The following VAX2 variants were observed in gnomAD, a reference collection of about 807,000 sequenced individuals.
The protein encoded by VAX2 is ventral anterior homeobox 2.
In VAX2, 8 loss-of-function variants were observed where a neutral mutation model predicts 12.5. The observed-to-expected ratio is 0.64, with a 90% CI of 0.37 to 1.15. VAX2 has a LOEUF of 1.15. VAX2 is among the 50% of genes most tolerant of loss of function. The pLI, the probability that VAX2 is intolerant of heterozygous loss-of-function variation, is 0.01. For missense variants in VAX2, 476 were observed against 412.9 expected (o/e 1.15, Z -1.32); for synonymous variants, 183 against 187.6 (o/e 0.98, Z 0.20).
intron 1 of VAX2, among the ~76,000 whole-genome samples, chr2:70,903,447 G>C (rs1430032084): frequency 6.6e-6 from 1 of 152,186 alleles, no homozygotes; most frequent in Non-Finnish European, 1.5e-5. Flanking sequence ...CAGGTTTGTT[G>C]AGGGAGTCCT....
chr2:70,904,269 A>G lies in VAX2; in HGVS notation c.247+3401A>G, dbSNP rs992848215. ...GGCAGGAAGCAACCAAAGGAACAACAGGCCGCCTGAGCCGTGGCTCAAACA... is the reference window on the plus strand; with the variant it reads ...GGCAGGAAGCAACCAAAGGAACAACGGGCCGCCTGAGCCGTGGCTCAAACA... On this transcript the variant is annotated intron_variant, in intron 1 of 2. Transcript: ENST00000234392. This position sits in a 1 kb window ranked among gnomAD's most constrained non-coding sequence, Gnocchi z 4.2. Among the ~76,000 whole-genome samples the G allele has an allele frequency of 6.6e-6, 1 of 152,178 alleles. No homozygotes were observed. Among genetic ancestry groups the G allele is most frequent in the African/African-American group, 2.4e-5 (1 of 41,452 alleles).
At chr2:70,931,966 C>T (rs1348471646) in intron 2 of VAX2, among the ~76,000 whole-genome samples, 1 of 152,232 alleles carries the variant, frequency 6.6e-6, no homozygotes, top group East Asian at 1.9e-4. Flanking sequence ...TTGGAATCAC[C>T]TGGTGAGCTT....
In VAX2 at chr2:70,921,286, G is replaced by A; in HGVS notation, c.435+1G>A. ...CCAGCTGAACCTCTCCGAGACCCAG[G>A]TAAGAGACCAGGGCCAGGCCACTCC... is the stretch of plus-strand genomic sequence containing the variant. On this transcript the variant is annotated splice_donor_variant, in intron 2 of 2. Coordinates refer to ENST00000234392, the MANE Select transcript of VAX2 (RefSeq NM_012476.3). LOFTEE classifies it high-confidence loss of function. 6.2e-7 allele frequency: 1 copy of A among 1,606,046 alleles called. No homozygotes were observed. The highest frequency in any genetic ancestry group is 2.2e-5 in the East Asian group (1 of 44,454).
rs1678979227 is a variant in VAX2 at position 70,903,440 on chromosome 2, G to A, written c.247+2572G>A. On this transcript the variant is annotated intron_variant, in intron 1 of 2. Coordinates refer to ENST00000234392, the MANE Select transcript of VAX2 (RefSeq NM_012476.3). The stretch of plus-strand genomic sequence containing the variant: ...CATACCACAGGGGGGTGGGGGGCAG[G>A]TTTGTTGAGGGAGTCCTTTGGCACA... Among the ~76,000 whole-genome samples, 10 of 152,302 alleles carry A rather than the reference G, an allele frequency of 6.6e-5. No individual in the cohort carries two copies. In the South Asian group the frequency reaches 2.1e-3, roughly 32 times the overall value.
Position 70,927,659 on chromosome 2 carries a change from A to G in VAX2, c.436-5108A>G, listed in dbSNP as rs531915387. ...CATGAGCCCAAAGAAGCTGGTGGAT[A>G]ATCTCCTGGAAAATTCCTCTGTAGT... On this transcript the variant is annotated intron_variant, in intron 2 of 2. Coordinates refer to ENST00000234392, the MANE Select transcript of VAX2 (RefSeq NM_012476.3). Among the ~76,000 whole-genome samples, 8 of 152,186 alleles carry G rather than the reference A, an allele frequency of 5.3e-5. No homozygotes were observed. In the South Asian group the frequency reaches 1.7e-3, roughly 32 times the overall value.
chr2:70,907,786 T>G (rs1304239106), intron 1 of VAX2, among the ~76,000 whole-genome samples: 2 of 152,244 alleles, frequency 1.3e-5, no homozygotes, highest in African/African-American at 2.4e-5. Context: ...TGTTTTCAAT[T>G]CTGGGCGAGT....
chr2:70,906,696 T>C (rs1326651195), intron 1 of VAX2, among the ~76,000 whole-genome samples: 1 of 152,018 alleles, frequency 6.6e-6, no homozygotes, highest in Non-Finnish European at 1.5e-5. Flanking sequence ...CGTTTCTTGT[T>C]CTTTAACTTA....
In VAX2 at chr2:70,911,652, C is replaced by T. The variant is rs916110742; in HGVS notation, c.248-9446C>T. On this transcript the variant is annotated intron_variant, in intron 1 of 2. Transcript: ENST00000234392. ...ATGGCATCTCAAAAAACAAGGATATCTCATTGCTGTTATAACTTTCATTTT... is the reference window on the plus strand; with the variant it reads ...ATGGCATCTCAAAAAACAAGGATATTTCATTGCTGTTATAACTTTCATTTT... 3.9e-5 allele frequency among the ~76,000 whole-genome samples: 6 copies of T among 152,292 alleles called. No homozygotes were observed. The South Asian group carries it at 8.3e-4, about 21-fold the overall frequency.
rs1430091910 is a variant in VAX2 at position 70,904,264 on chromosome 2, A to G, written c.247+3396A>G. ...AGGCAGGCAGGAAGCAACCAAAGGAACAACAGGCCGCCTGAGCCGTGGCTC... is the reference window on the plus strand; with the variant it reads ...AGGCAGGCAGGAAGCAACCAAAGGAGCAACAGGCCGCCTGAGCCGTGGCTC... On this transcript the variant is annotated intron_variant, in intron 1 of 2. Transcript: ENST00000234392. This position sits in a 1 kb window ranked among gnomAD's most constrained non-coding sequence, Gnocchi z 4.2. Among the ~76,000 whole-genome samples the G allele has an allele frequency of 6.6e-6, 1 of 152,194 alleles. No individual in the cohort carries two copies. Among genetic ancestry groups the G allele is most frequent in the Non-Finnish European group, 1.5e-5 (1 of 68,030 alleles).
chr2:70,926,301 GGC>G (rs1679570386), intron 2 of VAX2, among the ~76,000 whole-genome samples: 1 of 152,064 alleles, frequency 6.6e-6, no homozygotes, highest in Non-Finnish European at 1.5e-5. Flanking sequence ...GGCTAAGCAT[GGC>G]TGCCCTGGAG....
In VAX2 at chr2:70,908,900, C is replaced by T. The variant is rs192473363; in HGVS notation, c.247+8032C>T. Reference sequence around the variant, plus strand: ...TTAGTTACTTATGTCCACCCCTTTGCCCTGTCCCCACACTGGACATTTTGT... The same window carrying T: ...TTAGTTACTTATGTCCACCCCTTTGTCCTGTCCCCACACTGGACATTTTGT... On this transcript the variant is annotated intron_variant, in intron 1 of 2. Coordinates refer to ENST00000234392, the MANE Select transcript of VAX2 (RefSeq NM_012476.3). Among the ~76,000 whole-genome samples the T allele has an allele frequency of 2.5e-3, 381 of 152,346 alleles. 5 individuals carry two copies. In the South Asian group the frequency reaches 0.027, roughly 11 times the overall value.
intron 2 of VAX2, among the ~76,000 whole-genome samples, chr2:70,921,790 G>C (rs1212813648): frequency 1.3e-5 from 2 of 152,064 alleles, no homozygotes; most frequent in Non-Finnish European, 2.9e-5. Context: ...GGAGGGGTCT[G>C]CACACCCCCT....
intron 1 of VAX2, among the ~76,000 whole-genome samples, chr2:70,920,133 G>A (rs1679419896): frequency 6.6e-6 from 1 of 152,196 alleles, no homozygotes; most frequent in South Asian, 2.1e-4. Flanking sequence ...ATTCCTGTTA[G>A]TTTAGCTTCG....
intron 2 of VAX2, among the ~76,000 whole-genome samples, chr2:70,927,825 G>C (rs1255610020): frequency 5.9e-5 from 9 of 152,026 alleles, no homozygotes; most frequent in African/African-American, 1.5e-4. Flanking sequence ...GGGCGGGGCA[G>C]CCACCAAGCA....
At chr2:70,925,456 T>C (rs1051090171) in intron 2 of VAX2, among the ~76,000 whole-genome samples, 1 of 152,120 alleles carries the variant, frequency 6.6e-6, no homozygotes, top group Non-Finnish European at 1.5e-5. Flanking sequence ...GGTGACACCA[T>C]ATAATGAGTT....
rs13386660 is a variant in VAX2, at chr2:70,911,581, C to A, written c.248-9517C>A. Among the ~76,000 whole-genome samples, 1,306 of 152,286 alleles carry A rather than the reference C, an allele frequency of 8.6e-3. 28 individuals carry two copies. The highest frequency in any genetic ancestry group is 0.028 in the African/African-American group (1,167 of 41,562). ...TGAGAGAGCTTGAGAGAACCTAATT[C>A]TACTCAGCCTTGCCAGTACAATTTT... is the stretch of plus-strand genomic sequence containing the variant. On this transcript the variant is annotated intron_variant, in intron 1 of 2. Coordinates refer to ENST00000234392, the MANE Select transcript of VAX2 (RefSeq NM_012476.3).
chr2:70,901,352 G>A (rs1553409749), intron 1 of VAX2, among the ~76,000 whole-genome samples: 1 of 152,254 alleles, frequency 6.6e-6, no homozygotes, highest in Non-Finnish European at 1.5e-5. Flanking sequence ...CCCGTCCCCG[G>A]CAATCGGGAC....
chr2:70,912,824 G>A (rs964809540), intron 1 of VAX2, among the ~76,000 whole-genome samples: 17 of 152,030 alleles, frequency 1.1e-4, no homozygotes, highest in Non-Finnish European at 2.5e-4. Flanking sequence ...CTATCAGGCC[G>A]GGGGTCACCA....
Position 70,908,849 on chromosome 2 carries a change from T to C in VAX2, c.247+7981T>C, listed in dbSNP as rs114416908. Among the ~76,000 whole-genome samples, 554 of 152,330 alleles carry C rather than the reference T, an allele frequency of 3.6e-3. 8 individuals are homozygous for C. Among genetic ancestry groups the C allele is most frequent in the African/African-American group, 0.012 (511 of 41,580 alleles). ...TTCACATTTTACATCCTGATGAACA[T>C]AGTCAAGTTATTCTGCAGGAGAAGT... On this transcript the variant is annotated intron_variant, in intron 1 of 2. Coordinates refer to ENST00000234392, the MANE Select transcript of VAX2 (RefSeq NM_012476.3).
Sources: gnomAD v4.1 joint callset for allele counts (sites outside exome capture counted in the v4.1 genomes callset) on GRCh38, gnomAD v4.1.1 for gene constraint, Gnocchi (gnomAD v3.1) non-coding constraint, MANE v1.5 for transcripts, NCBI Gene and HGNC (gene_info 2026-07-23, HGNC 2026-07-21) for gene names.